Variants in COL5A2 observed in about 807,000 individuals in gnomAD.
The protein encoded by COL5A2 is collagen type V alpha 2 chain, also known as collagen alpha-2(V) chain.
Under a neutral mutation model 208.2 loss-of-function variants are expected in COL5A2, and 23 were observed. That is an observed-to-expected ratio of 0.11 (90% CI 0.08 to 0.16). The LOEUF is 0.16. Ranked by LOEUF, COL5A2 falls within the 10% of genes least tolerant of loss-of-function variation. The probability of loss-of-function intolerance (pLI) is 1.00; values close to 1 mark genes in which losing one functional copy is unlikely to be tolerated. For missense variants in COL5A2, 1,590 were observed against 1,956.4 expected (o/e 0.81, Z 3.53); for synonymous variants, 625 against 628.5 (o/e 0.99, Z 0.08).
chr2:189,063,719 A>C (rs1040835540), intron 26 of COL5A2, among the ~76,000 whole-genome samples: 1 of 152,208 alleles, frequency 6.6e-6, no homozygotes, highest in Non-Finnish European at 1.5e-5. Context: ...ACCAACATTA[A>C]AAACTATATC....
the COL5A2 span, among the ~76,000 whole-genome samples, chr2:189,256,537 G>C: frequency 4.6e-5 from 7 of 152,164 alleles, no homozygotes; most frequent in Non-Finnish European, 1.0e-4. Flanking sequence ...ATCTTCTCCA[G>C]GCTACAAGTT....
At chr2:189,195,229 A>G (rs1040386373) in intron 1 of COL5A2, among the ~76,000 whole-genome samples, 1 of 152,184 alleles carries the variant, frequency 6.6e-6, no homozygotes, top group African/African-American at 2.4e-5. Flanking sequence ...GCTACAAACA[A>G]TAAAATACCT....
At chr2:189,333,343 T>A in the COL5A2 span, among the ~76,000 whole-genome samples, 1 of 152,164 alleles carries the variant, frequency 6.6e-6, no homozygotes, top group Admixed American at 6.5e-5. Flanking sequence ...ATAGAGTAAG[T>A]ATAAATTACT....
At chr2:189,092,749 A>T (rs571903859) in intron 6 of COL5A2, among the ~76,000 whole-genome samples, 61 of 152,292 alleles carry the variant, frequency 4.0e-4, no homozygotes, top group African/African-American at 1.4e-3. Context: ...TTTGCCGTGC[A>T]AGGGTATTTG....
the COL5A2 span, among the ~76,000 whole-genome samples, chr2:189,439,732 AC>A: frequency 6.5e-4 from 99 of 152,344 alleles, 3 homozygotes; most frequent in South Asian, 0.02. Flanking sequence ...ATCCTCCTAT[AC>A]ATTTATCAAT....
chr2:189,048,755 ATTCT>A (rs1685722573), intron 44 of COL5A2, among the ~76,000 whole-genome samples: 2 of 152,084 alleles, frequency 1.3e-5, no homozygotes, highest in Non-Finnish European at 2.9e-5. Context: ...AAGGCTATTG[ATTCT>A]TTCTTTCAAT....
chr2:189,301,938 G>A, the COL5A2 span, among the ~76,000 whole-genome samples: 323 of 151,956 alleles, frequency 2.1e-3, no homozygotes, highest in Non-Finnish European at 3.7e-3. Flanking sequence ...TTTTTCAGAC[G>A]TCACAGAACA....
At chr2:189,395,898 CAAAAAAAAAAAAAAAAA>C in the COL5A2 span, among the ~76,000 whole-genome samples, 42 of 53,214 alleles carry the variant, frequency 7.9e-4, no homozygotes, top group South Asian at 0.034. Flanking sequence ...GGACACATCT[CAAAAAAAAAAAAAAAAA>C]AAAAAAAAAA....
Position 189,051,087 on chromosome 2 carries a change from T to C in COL5A2, c.2931+233A>G, listed in dbSNP as rs61664338. Among the ~76,000 whole-genome samples the C allele has an allele frequency of 0.048, 7,254 of 152,174 alleles. 209 individuals carry two copies. Among genetic ancestry groups the C allele is most frequent in the East Asian group, 0.092 (475 of 5,182 alleles). The stretch of plus-strand genomic sequence containing the variant: ...AAAGTTATTCATACACAATGAACAT[T>C]TAACAAATAATTTTTTTGGGTTTAG... On this transcript the variant is annotated intron_variant, in intron 42 of 53. Coordinates refer to ENST00000374866, the MANE Select transcript of COL5A2 (RefSeq NM_000393.5).
rs114482825 is a variant in COL5A2 at position 189,086,686 on chromosome 2, G to A, written c.690+40C>T. 8.4e-4 allele frequency: 1,258 copies of A among 1,494,450 alleles called. 9 individuals carry two copies. The African/African-American group carries it at 0.015, about 18-fold the overall frequency. The allele number at this position is 1,494,450 out of a possible 1,614,324, so 92.6% of individuals were successfully genotyped here. A position where few individuals can be genotyped will look rare whatever the true frequency, so the allele number is the denominator to read the frequency against. On this transcript the variant is annotated intron_variant, in intron 9 of 53. Transcript: ENST00000374866. ...TTATGTAATATATGTGTGTGTGTAT[G>A]TTTTTCTTACAGCATGTAATTAATT...
chr2:189,270,804 G>A, the COL5A2 span, among the ~76,000 whole-genome samples: 1 of 151,992 alleles, frequency 6.6e-6, no homozygotes, highest in Non-Finnish European at 1.5e-5. Flanking sequence ...AGCAACTTCA[G>A]TAGTCTCAGG....
chr2:189,430,423 G>A, the COL5A2 span, among the ~76,000 whole-genome samples: 1 of 152,288 alleles, frequency 6.6e-6, no homozygotes, highest in South Asian at 2.1e-4. Flanking sequence ...GGGGTTGGGG[G>A]ATTTCCCTTT....
At chr2:189,375,012 T>C in the COL5A2 span, among the ~76,000 whole-genome samples, 1 of 151,808 alleles carries the variant, frequency 6.6e-6, no homozygotes, top group Non-Finnish European at 1.5e-5. Context: ...ATATTTATAT[T>C]TTTATATCTT....
intron 1 of COL5A2, among the ~76,000 whole-genome samples, chr2:189,171,834 G>A (rs1405438971): frequency 1.3e-5 from 2 of 152,152 alleles, no homozygotes; most frequent in Non-Finnish European, 2.9e-5. Context: ...AATATCCAGA[G>A]AGAACCAATG....
chr2:189,312,368 G>A, the COL5A2 span, among the ~76,000 whole-genome samples: 2 of 152,134 alleles, frequency 1.3e-5, no homozygotes, highest in South Asian at 2.1e-4. Flanking sequence ...CGGATCCCAC[G>A]CCGCCCCAGA....
chr2:189,328,867 T>C, the COL5A2 span, among the ~76,000 whole-genome samples: 3,845 of 152,296 alleles, frequency 0.025, 177 homozygotes, highest in African/African-American at 0.088. Flanking sequence ...TTGGAAGTGA[T>C]TGACAACTTC....
At chr2:189,202,732 T>C (rs1689093895) in intron 1 of COL5A2, among the ~76,000 whole-genome samples, 1 of 152,130 alleles carries the variant, frequency 6.6e-6, no homozygotes. Flanking sequence ...TTTAAAATCA[T>C]TATCTTTGTT....
the COL5A2 span, among the ~76,000 whole-genome samples, chr2:189,436,895 T>G: frequency 6.6e-6 from 1 of 152,006 alleles, no homozygotes; most frequent in African/African-American, 2.4e-5. Context: ...AATAGCTAAT[T>G]TGATGCTAGG....
At chr2:189,099,443 G>A (rs1331633083) in intron 4 of COL5A2, among the ~76,000 whole-genome samples, 1 of 151,966 alleles carries the variant, frequency 6.6e-6, no homozygotes, top group African/African-American at 2.4e-5. Flanking sequence ...CGGCCAAACT[G>A]GTGAAACCCC....
Sources: allele counts gnomAD v4.1 joint callset (sites outside exome capture counted in the v4.1 genomes callset), GRCh38; gene constraint gnomAD v4.1.1; transcripts MANE v1.5; gene names NCBI Gene and HGNC (gene_info 2026-07-23, HGNC 2026-07-21).